The following CDH12 variants were observed in gnomAD, a reference collection of about 807,000 sequenced individuals.
CDH12 encodes the protein cadherin-12.
A neutral mutation model predicts 74.1 loss-of-function variants in CDH12; 41 were observed. The observed-to-expected ratio is 0.55, with a 90% CI of 0.43 to 0.72. The LOEUF is 0.72. CDH12 is among the 30% of genes least tolerant of loss of function. CDH12 has a pLI of 0.00. For missense variants in CDH12, 945 were observed against 977.2 expected (o/e 0.97, Z 0.44); for synonymous variants, 399 against 355.0 (o/e 1.12, Z -1.39).
intron 2 of CDH12, among the ~76,000 whole-genome samples, chr5:22,436,984 T>A (rs1025499509): frequency 2.6e-5 from 4 of 152,144 alleles, no homozygotes; most frequent in Admixed American, 2.6e-4. Context: ...CATGGAAAAG[T>A]CAGTCTTTAA....
At chr5:22,559,441 T>G (rs866446336) in intron 1 of CDH12, among the ~76,000 whole-genome samples, 1 of 152,044 alleles carries the variant, frequency 6.6e-6, no homozygotes, top group Non-Finnish European at 1.5e-5. Context: ...GTATTTTACT[T>G]CATGAACATA....
chr5:22,836,705 G>A (rs1344820893), intron 1 of CDH12, among the ~76,000 whole-genome samples: 2 of 152,090 alleles, frequency 1.3e-5, no homozygotes, highest in African/African-American at 4.8e-5. Flanking sequence ...ATTAAACAAA[G>A]TTGTAAGTTT....
intron 13 of CDH12, among the ~76,000 whole-genome samples, chr5:21,760,083 T>C (rs1744632684): frequency 6.6e-6 from 1 of 152,144 alleles, no homozygotes; most frequent in African/African-American, 2.4e-5. Flanking sequence ...CTTCATCCAG[T>C]CTGTCACTGA....
intron 3 of CDH12, among the ~76,000 whole-genome samples, chr5:22,243,906 T>C (rs139220791): frequency 5.3e-5 from 8 of 152,336 alleles, no homozygotes; most frequent in African/African-American, 1.4e-4. Context: ...ACCAGTCACA[T>C]GTGAGCAGCA....
chr5:22,445,758 T>C (rs1744792915), intron 2 of CDH12, among the ~76,000 whole-genome samples: 1 of 152,240 alleles, frequency 6.6e-6, no homozygotes, highest in African/African-American at 2.4e-5. Context: ...GGGCACCCTG[T>C]GGGCATACTG....
intron 6 of CDH12, among the ~76,000 whole-genome samples, chr5:21,899,444 GT>G: frequency 6.6e-6 from 1 of 152,198 alleles, no homozygotes; most frequent in Non-Finnish European, 1.5e-5. Flanking sequence ...TAGTTGAGGA[GT>G]TTGCTAGGAA....
chr5:22,365,181 G>A (rs1740976778), intron 3 of CDH12, among the ~76,000 whole-genome samples: 1 of 151,962 alleles, frequency 6.6e-6, no homozygotes, highest in African/African-American at 2.4e-5. Context: ...TAAGGGTATG[G>A]GTGTACACAA....
At chr5:22,396,900 T>G (rs1742484883) in intron 3 of CDH12, among the ~76,000 whole-genome samples, 1 of 152,156 alleles carries the variant, frequency 6.6e-6, no homozygotes, top group Non-Finnish European at 1.5e-5. Context: ...AATAGCTTTT[T>G]TCTTCTTCAG....
At chr5:22,543,440 C>T (rs1233508942) in intron 1 of CDH12, among the ~76,000 whole-genome samples, 2 of 152,010 alleles carry the variant, frequency 1.3e-5, no homozygotes. Flanking sequence ...TTGTATGACG[C>T]TACTTTAAAA....
chr5:22,616,778 C>T (rs571383990), intron 1 of CDH12, among the ~76,000 whole-genome samples: 2 of 152,158 alleles, frequency 1.3e-5, no homozygotes, highest in African/African-American at 4.8e-5. Context: ...AACCTAACCC[C>T]CAATGTGATG....
intron 6 of CDH12, among the ~76,000 whole-genome samples, chr5:21,869,226 G>T (rs1006657492): frequency 3.3e-5 from 5 of 152,128 alleles, no homozygotes; most frequent in African/African-American, 1.2e-4. Context: ...CTAGAATACA[G>T]AAGATCCCTT....
chr5:22,532,228 C>T (rs1308060114), intron 1 of CDH12, among the ~76,000 whole-genome samples: 5 of 150,386 alleles, frequency 3.3e-5, no homozygotes, highest in Non-Finnish European at 5.9e-5. Context: ...CTCCTTTGTA[C>T]GTTTTCAAGG....
At chr5:22,595,002 C>T (rs571430963) in intron 1 of CDH12, among the ~76,000 whole-genome samples, 70 of 152,190 alleles carry the variant, frequency 4.6e-4, no homozygotes, top group Middle Eastern at 3.4e-3. Flanking sequence ...TAATTATTTC[C>T]ACCATCTTTT....
chr5:22,738,724 T>G (rs10041810), intron 1 of CDH12, among the ~76,000 whole-genome samples: 125,442 of 151,874 alleles, frequency 0.83, 51,933 homozygotes, highest in Non-Finnish European at 0.86. Flanking sequence ...AATAAATATT[T>G]CAATAAAACC....
At chr5:22,642,237 G>T (rs538521426) in intron 1 of CDH12, among the ~76,000 whole-genome samples, 1 of 152,234 alleles carries the variant, frequency 6.6e-6, no homozygotes, top group Non-Finnish European at 1.5e-5. Flanking sequence ...AACATTCTGG[G>T]TAGCAAGATT....
chr5:22,131,741 C>T (rs1440178358), intron 4 of CDH12, among the ~76,000 whole-genome samples: 9 of 152,094 alleles, frequency 5.9e-5, no homozygotes, highest in Non-Finnish European at 1.2e-4. Context: ...ATTATCCAGA[C>T]CTAAGGAAGG....
rs143844808 is a variant in CDH12 at position 22,664,446 on chromosome 5, C to T, written c.-522-159082G>A. Among the ~76,000 whole-genome samples, 219 of 152,144 alleles carry T rather than the reference C, an allele frequency of 1.4e-3. 2 individuals carry two copies. Among genetic ancestry groups the T allele is most frequent in the African/African-American group, 5.0e-3 (208 of 41,514 alleles). ...GCCCCTTTTAAACTATCAGATCTTGCGAGAATTCACTCACTGTCACGAGAA... is the reference window on the plus strand; with the variant it reads ...GCCCCTTTTAAACTATCAGATCTTGTGAGAATTCACTCACTGTCACGAGAA... On this transcript the variant is annotated intron_variant, in intron 1 of 14. Coordinates refer to ENST00000382254, the MANE Select transcript of CDH12 (RefSeq NM_004061.5).
intron 3 of CDH12, among the ~76,000 whole-genome samples, chr5:22,365,433 C>T (rs1184520947): frequency 3.9e-5 from 6 of 152,016 alleles, no homozygotes; most frequent in Non-Finnish European, 8.8e-5. Flanking sequence ...TTCTAGATGC[C>T]CAGCTCCTGG....
intron 1 of CDH12, among the ~76,000 whole-genome samples, chr5:22,700,816 T>C (rs925645577): frequency 6.6e-6 from 1 of 152,236 alleles, no homozygotes; most frequent in African/African-American, 2.4e-5. Context: ...AAATGAGATA[T>C]AAAGTAGTCC....
Sources: gnomAD v4.1 joint callset for allele counts (sites outside exome capture counted in the v4.1 genomes callset) on GRCh38, gnomAD v4.1.1 for gene constraint, MANE v1.5 for transcripts, NCBI Gene and HGNC (gene_info 2026-07-23, HGNC 2026-07-21) for gene names.